The following CENPP variants were observed in gnomAD, a reference collection of about 807,000 sequenced individuals.
CENPP encodes centromere protein P.
A neutral mutation model predicts 35.6 loss-of-function variants in CENPP; 24 were observed. That is an observed-to-expected ratio of 0.67 (90% confidence interval 0.49 to 0.95). The LOEUF (loss-of-function observed/expected upper bound fraction) is 0.95. CENPP is among the 40% of genes least tolerant of loss of function. The pLI, the probability that CENPP is intolerant of heterozygous loss-of-function variation, is 0.00. For synonymous variants in CENPP, 120 were observed against 125.5 expected, an observed-to-expected ratio of 0.96 and a Z score of 0.29; for missense variants, 332 against 345.3, an observed-to-expected ratio of 0.96 and a Z score of 0.31.
At chr9:92,600,312 T>A in intron 5 of CENPP, 1 of 1,491,228 alleles carries the variant, frequency 6.7e-7, no homozygotes. Flanking sequence ...TTATTCATGC[T>A]TGCATTTGCT....
At chr9:92,343,113 T>C (rs1841173549) in intron 3 of CENPP, among the ~76,000 whole-genome samples, 1 of 152,214 alleles carries the variant, frequency 6.6e-6, no homozygotes, top group Non-Finnish European at 1.5e-5. Context: ...ATTTACAGAA[T>C]ATTGTTGTAA....
chr9:92,408,540 G>A (rs931061800), intron 5 of CENPP, among the ~76,000 whole-genome samples: 4 of 152,092 alleles, frequency 2.6e-5, no homozygotes, highest in Non-Finnish European at 5.9e-5. Context: ...GTTCTTTAAC[G>A]TTTTGGGCCA....
intron 5 of CENPP, among the ~76,000 whole-genome samples, chr9:92,598,320 A>G (rs1376003561): frequency 6.6e-6 from 1 of 152,224 alleles, no homozygotes. Flanking sequence ...AGTTGGCCTC[A>G]TCCCCACAAC....
intron 5 of CENPP, among the ~76,000 whole-genome samples, chr9:92,480,273 TA>T (rs1188942042): frequency 6.6e-6 from 1 of 152,202 alleles, no homozygotes; most frequent in Non-Finnish European, 1.5e-5. Flanking sequence ...CTATTACTAA[TA>T]AATCATAGTA....
At chr9:92,460,394 C>A in intron 5 of CENPP, 1 of 842,050 alleles carries the variant, frequency 1.2e-6, no homozygotes, top group Non-Finnish European at 1.9e-6. Context: ...ACTGGCTAAA[C>A]AGACAGTGAT....
intron 5 of CENPP, among the ~76,000 whole-genome samples, chr9:92,577,480 C>T (rs551739305): frequency 6.4e-4 from 97 of 152,210 alleles, no homozygotes; most frequent in African/African-American, 2.2e-3. Context: ...GAGCTACATA[C>T]GACATCATAA....
At chr9:92,375,585 C>T (rs189362956) in intron 4 of CENPP, among the ~76,000 whole-genome samples, 104 of 152,232 alleles carry the variant, frequency 6.8e-4, no homozygotes, top group African/African-American at 2.3e-3. Flanking sequence ...CGTGAGCCAC[C>T]GCGCCCGGCC....
chr9:92,354,560 C>G (rs2130820953), intron 4 of CENPP, among the ~76,000 whole-genome samples: 1 of 152,300 alleles, frequency 6.6e-6, no homozygotes, highest in East Asian at 1.9e-4. Flanking sequence ...GGGTCTCACT[C>G]TGTTGCCCAG....
At chr9:92,547,111 G>A (rs1226775141) in intron 5 of CENPP, among the ~76,000 whole-genome samples, 6 of 152,220 alleles carry the variant, frequency 3.9e-5, no homozygotes, top group African/African-American at 1.4e-4. Flanking sequence ...AACTAGCGGC[G>A]TAAGTGTAAC....
intron 5 of CENPP, among the ~76,000 whole-genome samples, chr9:92,448,365 G>T (rs13293105): frequency 0.36 from 54,233 of 151,544 alleles, 11,892 homozygotes; most frequent in Non-Finnish European, 0.5. Context: ...TGCCTCCCAG[G>T]TTCAAGCGAT....
At chr9:92,604,283 A>C (rs1223830202) in intron 5 of CENPP, among the ~76,000 whole-genome samples, 46 of 152,174 alleles carry the variant, frequency 3.0e-4, no homozygotes, top group Non-Finnish European at 8.8e-5. Flanking sequence ...GCAATTCCCT[A>C]ATGACTAATG....
At chr9:92,390,147 G>T in intron 5 of CENPP, 1 of 749,928 alleles carries the variant, frequency 1.3e-6, no homozygotes, top group Non-Finnish European at 2.1e-6. Flanking sequence ...GATCACTCAA[G>T]CATCTTTCAT....
At position 92,352,503 on chromosome 9, in the gene CENPP, G is replaced by A. The variant is rs1318035935; in HGVS notation, c.467+6716G>A. On this transcript the variant is annotated intron_variant, in intron 4 of 7. Coordinates refer to ENST00000375587, the MANE Select transcript of CENPP (RefSeq NM_001012267.3). ...TGTGTGTGTGTGTGTGTGTGTGTGTGTGTATACATATATATATATATATAT... is the reference window on the plus strand; with the variant it reads ...TGTGTGTGTGTGTGTGTGTGTGTGTATGTATACATATATATATATATATAT... Among the ~76,000 whole-genome samples, 208 of 68,836 alleles carry A rather than the reference G, an allele frequency of 3.0e-3. 2 individuals are homozygous for A. The highest frequency in any genetic ancestry group is 5.2e-3 in the African/African-American group (43 of 8,304). 45.2% of individuals were successfully genotyped at this position (68,836 alleles called of 152,430 possible). A position where few individuals can be genotyped will look rare whatever the true frequency, so the allele number is the denominator to read the frequency against.
At chr9:92,539,151 TA>T (rs1281732300) in intron 5 of CENPP, 1 of 152,232 alleles carries the variant, frequency 6.6e-6, no homozygotes, top group African/African-American at 2.4e-5. Flanking sequence ...TCTTTATGGT[TA>T]GTTGAGAATA....
chr9:92,414,600 T>G (rs142604101), intron 5 of CENPP: 214 of 208,976 alleles, frequency 1.0e-3, no homozygotes, highest in Non-Finnish European at 1.7e-3. Flanking sequence ...AATATCATTC[T>G]ATGTGCTATG....
chr9:92,533,346 T>TAC (rs1848975876), intron 5 of CENPP, among the ~76,000 whole-genome samples: 3 of 123,794 alleles, frequency 2.4e-5, no homozygotes, highest in African/African-American at 9.1e-5. Flanking sequence ...TATATATATA[T>TAC]ATATATATAT....
At chr9:92,556,716 A>T (rs1477045328) in intron 5 of CENPP, among the ~76,000 whole-genome samples, 3 of 152,176 alleles carry the variant, frequency 2.0e-5, no homozygotes, top group Non-Finnish European at 4.4e-5. Context: ...CTTTAAGTGT[A>T]TGTGAGTCCT....
intron 5 of CENPP, chr9:92,385,436 A>C: frequency 1.8e-6 from 1 of 543,558 alleles, no homozygotes; most frequent in East Asian, 3.1e-5. Flanking sequence ...TTTCGAACGT[A>C]GACATTCAGT....
intron 4 of CENPP, among the ~76,000 whole-genome samples, chr9:92,352,467 CTGTGTGTGTGTGTGTGTGTGTG>C (rs61233585): frequency 8.4e-5 from 6 of 71,378 alleles, no homozygotes; most frequent in Non-Finnish European, 1.2e-4. Context: ...TGCTTAAAGC[CTGTGTGTGTGTGTGTGTGTGTG>C]TGTGTGTGTG....
Sources: gnomAD v4.1 joint callset for allele counts (sites outside exome capture counted in the v4.1 genomes callset) on GRCh38, gnomAD v4.1.1 for gene constraint, MANE v1.5 for transcripts, NCBI Gene and HGNC (gene_info 2026-07-23, HGNC 2026-07-21) for gene names.